Variants in RARG observed in about 807,000 individuals in gnomAD.
The protein encoded by RARG is retinoic acid receptor gamma.
In RARG, 17 loss-of-function variants were observed where a neutral mutation model predicts 43.7. That is an observed-to-expected ratio of 0.39 (90% CI 0.27 to 0.58). RARG has a LOEUF of 0.58. Among genes scored for constraint, RARG ranks in the 20% least tolerant of loss-of-function variants. RARG has a pLI of 0.57. For synonymous variants in RARG, 238 were observed against 236.4 expected, an observed-to-expected ratio of 1.01 and a Z score of -0.06; for missense variants, 346 against 598.7, an observed-to-expected ratio of 0.58 and a Z score of 4.40.
intron 3 of RARG, chr12:53,220,031 C>T: frequency 6.5e-7 from 1 of 1,538,456 alleles, no homozygotes; most frequent in East Asian, 2.5e-5. Flanking sequence ...CGCAGCAAGC[C>T]GGCCCCGGGC....
In RARG at chr12:53,227,619, G is replaced by A; in HGVS notation, c.-74C>T. ...GTCTTCAGCCACAGCCCCTGCCCAT[G>A]CCCACTGCCCCAGCCTGGGAGGCTC... On this transcript the variant is annotated 5_prime_UTR_variant, in exon 3 of 10. Transcript: ENST00000425354. This position sits in a 1 kb window ranked among gnomAD's most constrained non-coding sequence, Gnocchi z 4.3. 7.2e-7 allele frequency: 1 copy of A among 1,383,440 alleles called. No individual in the cohort carries two copies. The highest frequency in any genetic ancestry group is 9.4e-7 in the Non-Finnish European group (1 of 1,068,540). 85.7% of individuals were successfully genotyped at this position (1,383,440 alleles called of 1,614,324 possible). A position where few individuals can be genotyped will look rare whatever the true frequency, so the allele number is the denominator to read the frequency against.
chr12:53,228,695 C>G (rs180672833), intron 2 of RARG, among the ~76,000 whole-genome samples: 1 of 149,494 alleles, frequency 6.7e-6, no homozygotes, highest in Non-Finnish European at 1.5e-5. Flanking sequence ...CTCCTTTTTT[C>G]TCTCTCTCTC....
chr12:53,220,056 C>G, intron 3 of RARG: 1 of 1,549,114 alleles, frequency 6.5e-7, no homozygotes, highest in East Asian at 2.4e-5. Flanking sequence ...CCGCCCCGTA[C>G]AGCCGTCGCG....
intron 3 of RARG, among the ~76,000 whole-genome samples, chr12:53,224,770 A>C: frequency 7.5e-6 from 1 of 133,486 alleles, no homozygotes; most frequent in African/African-American, 2.9e-5. Flanking sequence ...GGCTAGCCGC[A>C]CCCTCCCCAG....
intron 2 of RARG, among the ~76,000 whole-genome samples, chr12:53,229,096 C>T (rs1943173974): frequency 6.6e-6 from 1 of 152,032 alleles, no homozygotes; most frequent in African/African-American, 2.4e-5. Flanking sequence ...TCCTAGGAGC[C>T]CCAGAACTTC....
intron 3 of RARG, among the ~76,000 whole-genome samples, chr12:53,222,219 A>AAAGAAAGAGAG (rs1555181711): frequency 9.5e-6 from 1 of 105,462 alleles, no homozygotes; most frequent in African/African-American, 5.4e-5. Context: ...CCACAAAAAA[A>AAAGAAAGAGAG]AGAAAGAAAG....
rs1051969226 is a variant in RARG at position 53,227,651 on chromosome 12, C to T, written c.-106G>A. The stretch of plus-strand genomic sequence containing the variant: ...GCCCCAGCCTGGGAGGCTCCGTACC[C>T]GCCCTGCCTGGCCTGCCCACTGGGC... On this transcript the variant is annotated 5_prime_UTR_variant, in exon 3 of 10. Coordinates refer to ENST00000425354, the MANE Select transcript of RARG (RefSeq NM_000966.6). The surrounding 1 kb of genome is among the most constrained non-coding windows in gnomAD (Gnocchi z 4.3). 8.9e-6 allele frequency: 12 copies of T among 1,349,282 alleles called. No homozygotes were observed. Among genetic ancestry groups the T allele is most frequent in the East Asian group, 6.1e-5 (2 of 33,040 alleles). 83.6% of individuals were successfully genotyped at this position (1,349,282 alleles called of 1,614,324 possible).
chr12:53,225,892 C>G (rs1943095751), intron 3 of RARG, among the ~76,000 whole-genome samples: 1 of 152,210 alleles, frequency 6.6e-6, no homozygotes, highest in Admixed American at 6.5e-5. Context: ...AGGCTCTATG[C>G]CAGACCTGCA....
chr12:53,230,844 T>C (rs1465806742), intron 2 of RARG, among the ~76,000 whole-genome samples: 2 of 135,422 alleles, frequency 1.5e-5, no homozygotes, highest in African/African-American at 3.3e-5. Flanking sequence ...TGCGTGTGTG[T>C]GTGTGTGTGT....
Position 53,211,750 on chromosome 12 carries a change from G to A in RARG, c.1291C>T (p.Pro431Ser). 1 of 1,569,232 alleles carries A rather than the reference G, an allele frequency of 6.4e-7. No individual in the cohort carries two copies. Among genetic ancestry groups the A allele is most frequent in the Non-Finnish European group, 8.6e-7 (1 of 1,158,526 alleles). Residue 431 changes from proline to serine, a missense_variant, in exon 10 of 10, where the codon CCC (proline) becomes TCC (serine). Physicochemically the swap from Pro to Ser is moderately conservative, Grantham distance 74. Around this residue, in one of 8 missense-constraint regions of RARG, gnomAD observed 40 missense variants for 44.6 expected, o/e 0.90. Transcript: ENST00000425354. The surrounding 1 kb of genome is among the most constrained non-coding windows in gnomAD (Gnocchi z 4.6). ...MFEDDSSQPG[P>S]HPNASSEDEV... is the part of the protein sequence containing the mutation. ...TCCTCGCTAGAGGCATTGGGGTGGG[G>A]ACCAGGCTGCGAGGAGTCATCCTCA...
At chr12:53,217,218 G>A (rs1174562291) in intron 3 of RARG, among the ~76,000 whole-genome samples, 1 of 152,160 alleles carries the variant, frequency 6.6e-6, no homozygotes, top group African/African-American at 2.4e-5. Context: ...GGAGAGAGGA[G>A]AGGGGGGAAA....
intron 3 of RARG, among the ~76,000 whole-genome samples, chr12:53,222,272 GAAGA>G (rs911478271): frequency 4.8e-5 from 7 of 144,452 alleles, no homozygotes; most frequent in African/African-American, 1.4e-4. Context: ...AAAGAAAAAG[GAAGA>G]AAGAGAAAGG....
chr12:53,221,097 C>T (rs1414126385), intron 3 of RARG, among the ~76,000 whole-genome samples: 2 of 151,918 alleles, frequency 1.3e-5, no homozygotes, highest in Non-Finnish European at 2.9e-5. Context: ...CGAGCGCGCT[C>T]ACCTCCTCCT....
At chr12:53,212,751 C>T (rs1018832186) in intron 9 of RARG, among the ~76,000 whole-genome samples, 18 of 150,544 alleles carry the variant, frequency 1.2e-4, no homozygotes, top group Middle Eastern at 6.8e-3. Flanking sequence ...CACACACACA[C>T]ACACACACAC....
Position 53,227,406 on chromosome 12 carries a change from C to T in RARG, c.140G>A (p.Arg47Gln), listed in dbSNP as rs1200267590. 28 of 1,601,422 alleles carry T rather than the reference C, an allele frequency of 1.7e-5. No homozygotes were observed. The highest frequency in any genetic ancestry group is 5.2e-5 in the Admixed American group (3 of 58,142). ...GGGGAGGTCAGGCTGGCCCAGGCCC[C>T]GGAAGCTAGGGCTCAGCATCTCGAA... is the stretch of plus-strand genomic sequence containing the variant. ...PPFEMLSPSF[R>Q]GLGQPDLPKE... Residue 47 changes from arginine (R) to glutamine (Q), a missense_variant, in exon 3 of 10, where the codon CGG becomes CAG. By Grantham distance (43) the Arg-to-Gln change is conservative. Around this residue, in one of 8 missense-constraint regions of RARG, gnomAD observed 90 missense variants for 93.2 expected, o/e 0.97. Coordinates refer to ENST00000425354, the MANE Select transcript of RARG (RefSeq NM_000966.6). The surrounding 1 kb of genome is among the most constrained non-coding windows in gnomAD (Gnocchi z 4.3).
chr12:53,223,550 G>A (rs569271698), intron 3 of RARG, among the ~76,000 whole-genome samples: 1 of 136,950 alleles, frequency 7.3e-6, no homozygotes, highest in African/African-American at 2.8e-5. Flanking sequence ...GAGGTTTCCT[G>A]TTGCAATCAA....
chr12:53,216,857 C>T (rs533924919), intron 3 of RARG, among the ~76,000 whole-genome samples: 38 of 119,214 alleles, frequency 3.2e-4, no homozygotes, highest in African/African-American at 1.2e-3. Context: ...CGCGCGCGCG[C>T]GCGCGTGTGG....
At chr12:53,219,147 A>C (rs1426537171) in intron 3 of RARG, among the ~76,000 whole-genome samples, 1 of 152,138 alleles carries the variant, frequency 6.6e-6, no homozygotes, top group African/African-American at 2.4e-5. Flanking sequence ...TGTCAACTTC[A>C]GGCCACCCCC....
Position 53,232,093 on chromosome 12 carries a change from G to C in RARG, c.-329C>G, listed in dbSNP as rs1221096122. 5.0e-6 allele frequency: 2 copies of C among 398,500 alleles called. No homozygotes were observed. The highest frequency in any genetic ancestry group is 8.8e-6 in the Non-Finnish European group (2 of 226,046). The allele number at this position is 398,500 out of a possible 1,614,324, so 24.7% of individuals were successfully genotyped here. A position where few individuals can be genotyped will look rare whatever the true frequency, so the allele number is the denominator to read the frequency against. ...TACTGGGGGGCTCCTGGGGGGGCACGGCTCTAGGCTGGGACTGTCCCGGGG... is the reference window on the plus strand; with the variant it reads ...TACTGGGGGGCTCCTGGGGGGGCACCGCTCTAGGCTGGGACTGTCCCGGGG... On this transcript the variant is annotated 5_prime_UTR_variant, in exon 1 of 10. Transcript: ENST00000425354.
Sources: allele counts gnomAD v4.1 joint callset (sites outside exome capture counted in the v4.1 genomes callset), GRCh38; gene constraint gnomAD v4.1.1; regional missense constraint gnomAD v4.1.1; non-coding constraint Gnocchi (gnomAD v3.1); transcripts MANE v1.5; gene names NCBI Gene and HGNC (gene_info 2026-07-23, HGNC 2026-07-21).